PTPN14: variants seen among roughly 807,000 people sequenced by gnomAD.
The protein encoded by PTPN14 is protein tyrosine phosphatase non-receptor type 14.
Under a neutral mutation model 126.8 loss-of-function variants are expected in PTPN14, and 53 were observed. The observed-to-expected ratio is 0.42, with a 90% confidence interval of 0.34 to 0.53. The LOEUF is 0.53. PTPN14 is among the 20% of genes least tolerant of loss of function. The probability of loss-of-function intolerance (pLI) is 0.08; values close to 1 mark genes in which losing one functional copy is unlikely to be tolerated. For synonymous variants in PTPN14, 630 were observed against 599.3 expected, an observed-to-expected ratio of 1.05 and a Z score of -0.75; for missense variants, 1,257 against 1,552.9, an observed-to-expected ratio of 0.81 and a Z score of 3.20.
chr1:214,382,548 C>T (rs1260904747), intron 13 of PTPN14, among the ~76,000 whole-genome samples: 1 of 152,090 alleles, frequency 6.6e-6, no homozygotes, highest in East Asian at 1.9e-4. Flanking sequence ...CCCAGGCTGG[C>T]TTCATACTCC....
At chr1:214,389,733 T>A (rs1658706998) in intron 11 of PTPN14, among the ~76,000 whole-genome samples, 1 of 152,000 alleles carries the variant, frequency 6.6e-6, no homozygotes, top group Non-Finnish European at 1.5e-5. Context: ...TCCCATAGGG[T>A]TTCAAGGGTG....
intron 1 of PTPN14, among the ~76,000 whole-genome samples, chr1:214,549,182 AG>A (rs879901048): frequency 6.6e-6 from 1 of 152,206 alleles, no homozygotes; most frequent in Non-Finnish European, 1.5e-5. Context: ...CACCTCAGCC[AG>A]GACTCAGCCA....
At position 214,350,164 on chromosome 1, in the gene PTPN14, C is replaced by CTTATCTG. The variant is rs1657674946; in HGVS notation, c.*7757_*7758insCAGATAA. 1 of 152,174 alleles carries CTTATCTG rather than the reference C, an allele frequency of 6.6e-6. No individual in the cohort carries two copies. The highest frequency in any genetic ancestry group is 1.9e-4 in the East Asian group (1 of 5,196). The allele number at this position is 152,174 out of a possible 1,614,324, so 9.4% of individuals were successfully genotyped here. On this transcript the variant is annotated 3_prime_UTR_variant, in exon 19 of 19. Coordinates refer to ENST00000366956, the MANE Select transcript of PTPN14 (RefSeq NM_005401.5). Reference sequence around the variant, plus strand: ...TTTGGATGACCCGCTAATCTTTCCCCTTCCTAGGTAAGTGAAAACAGATAA... The same window carrying CTTATCTG: ...TTTGGATGACCCGCTAATCTTTCCCCTTATCTGTTCCTAGGTAAGTGAAAACAGATAA...
chr1:214,485,104 C>A (rs559043894), intron 1 of PTPN14, among the ~76,000 whole-genome samples: 1 of 152,264 alleles, frequency 6.6e-6, no homozygotes, highest in South Asian at 2.1e-4. Context: ...TGAGTCTAAC[C>A]AGATTATTAG....
intron 2 of PTPN14, among the ~76,000 whole-genome samples, chr1:214,464,008 G>A (rs1297878570): frequency 6.6e-6 from 1 of 152,152 alleles, no homozygotes; most frequent in Non-Finnish European, 1.5e-5. Flanking sequence ...GTGATAGCAT[G>A]ACTTTCTAAG....
rs530208264 is a variant in PTPN14 at position 214,369,976 on chromosome 1, C to T, written c.3037-285G>A. ...GCAGTCTAGAAGCAGGAACAAGCTT[C>T]GTGCATTCAAGAAACAAAGGTCAGC... On this transcript the variant is annotated intron_variant, in intron 16 of 18. Coordinates refer to ENST00000366956, the MANE Select transcript of PTPN14 (RefSeq NM_005401.5). 1.5e-3 allele frequency among the ~76,000 whole-genome samples: 232 copies of T among 152,284 alleles called. 1 individual carries two copies. The highest frequency in any genetic ancestry group is 5.4e-3 in the African/African-American group (225 of 41,578).
At chr1:214,377,770 G>A (rs1179708336) in intron 14 of PTPN14, among the ~76,000 whole-genome samples, 189 bp downstream of exon 14, 1 of 152,086 alleles carries the variant, frequency 6.6e-6, no homozygotes, top group Non-Finnish European at 1.5e-5. Flanking sequence ...CAGGAAGACC[G>A]GAATGGAGAA....
At chr1:214,492,112 A>G (rs952644330) in intron 1 of PTPN14, among the ~76,000 whole-genome samples, 1 of 152,276 alleles carries the variant, frequency 6.6e-6, no homozygotes, top group South Asian at 2.1e-4. Flanking sequence ...ATTTTAAAAT[A>G]TGATATTCAT....
rs544269018 is a variant in PTPN14 at position 214,389,304 on chromosome 1, A to G, written c.987+1684T>C. Among the ~76,000 whole-genome samples, 13 of 152,378 alleles carry G rather than the reference A, an allele frequency of 8.5e-5. No homozygotes were observed. In the South Asian group the frequency reaches 1.9e-3, roughly 22 times the overall value. The stretch of plus-strand genomic sequence containing the variant: ...ATGAGCAGACTTATGCCAGTTCACA[A>G]ACAGCATTGTCAAAGGACAATAATA... On this transcript the variant is annotated intron_variant, in intron 11 of 18. Coordinates refer to ENST00000366956, the MANE Select transcript of PTPN14 (RefSeq NM_005401.5).
At chr1:214,466,258 G>A (rs1222051441) in intron 1 of PTPN14, among the ~76,000 whole-genome samples, 2 of 149,076 alleles carry the variant, frequency 1.3e-5, no homozygotes, top group African/African-American at 5.1e-5. Context: ...CAACGCACCC[G>A]GCCAGTTACT....
At chr1:214,505,079 G>C (rs1654801791) in intron 1 of PTPN14, among the ~76,000 whole-genome samples, 1 of 151,944 alleles carries the variant, frequency 6.6e-6, no homozygotes, top group South Asian at 2.1e-4. Flanking sequence ...GAAAGATCCT[G>C]ACAAGCAGTT....
At chr1:214,449,180 GT>G (rs1271879743) in intron 3 of PTPN14, among the ~76,000 whole-genome samples, 2 of 150,890 alleles carry the variant, frequency 1.3e-5, no homozygotes, top group African/African-American at 4.9e-5. Flanking sequence ...CTAATTTTTT[GT>G]ATTTTTAGTA....
chr1:214,369,923 C>A (rs920853994), intron 16 of PTPN14, among the ~76,000 whole-genome samples: 4 of 152,176 alleles, frequency 2.6e-5, no homozygotes, highest in Admixed American at 6.5e-5. Flanking sequence ...AACCGAGGTG[C>A]AGTAGAATGT....
In PTPN14 at chr1:214,383,239, C is replaced by T; in HGVS notation, c.2544+72G>A. ...AACCTACCACGTTCCCTGCATAAGC[C>T]CTGCCCCTTGCTCAGTGCCTGAAGC... On this transcript the variant is annotated intron_variant, in intron 13 of 18. Transcript: ENST00000366956. This position sits in a 1 kb window ranked among gnomAD's most constrained non-coding sequence, Gnocchi z 4.4. The T allele has an allele frequency of 6.5e-7, 1 of 1,528,064 alleles. No individual in the cohort carries two copies. Among genetic ancestry groups the T allele is most frequent in the Non-Finnish European group, 8.9e-7 (1 of 1,125,182 alleles). 94.7% of individuals were successfully genotyped at this position (1,528,064 alleles called of 1,614,324 possible).
rs58506242 is a variant in PTPN14, at chr1:214,531,499, A to AACACACACACACACACACACACACAC, written c.-155+19658_-155+19683dup. ...AAAACCCATCTCTACAACCCAGCCT[A>AACACACACACACACACACACACACAC]ACACACACACACACACACACACACA... On this transcript the variant is annotated intron_variant, in intron 1 of 18. Transcript: ENST00000366956. 8.5e-5 allele frequency: 11 copies of AACACACACACACACACACACACACAC among 129,620 alleles called. 1 individual carries two copies. The highest frequency in any genetic ancestry group is 8.4e-4 in the South Asian group (3 of 3,554). The allele number at this position is 129,620 out of a possible 1,614,324, so 8.0% of individuals were successfully genotyped here.
At chr1:214,451,133 G>C (rs1181941519) in intron 3 of PTPN14, among the ~76,000 whole-genome samples, 1 of 148,630 alleles carries the variant, frequency 6.7e-6, no homozygotes, top group African/African-American at 2.5e-5. Context: ...GGACAAAACA[G>C]AATTAGGTTT....
chr1:214,437,180 T>C (rs1659940287), intron 3 of PTPN14, among the ~76,000 whole-genome samples: 1 of 152,216 alleles, frequency 6.6e-6, no homozygotes, highest in African/African-American at 2.4e-5. Context: ...ATTTTTTTCT[T>C]AATTTACCTA....
At chr1:214,435,508 G>T (rs969344158) in intron 3 of PTPN14, among the ~76,000 whole-genome samples, 3 of 151,796 alleles carry the variant, frequency 2.0e-5, no homozygotes, top group Non-Finnish European at 4.4e-5. Context: ...AAAAAAAAAA[G>T]TATTCAGTGA....
chr1:214,398,931 G>A (rs1441117696), intron 7 of PTPN14, among the ~76,000 whole-genome samples: 2 of 151,784 alleles, frequency 1.3e-5, no homozygotes, highest in Admixed American at 6.6e-5. Context: ...ACCACACCTG[G>A]CTAATTTTTA....
Sources: allele counts gnomAD v4.1 joint callset (sites outside exome capture counted in the v4.1 genomes callset), GRCh38; gene constraint gnomAD v4.1.1; non-coding constraint Gnocchi (gnomAD v3.1); transcripts MANE v1.5; gene names NCBI Gene and HGNC (gene_info 2026-07-23, HGNC 2026-07-21).